The following PLCB4 variants were observed in gnomAD, a reference collection of about 807,000 sequenced individuals.
The protein encoded by PLCB4 is 1-phosphatidylinositol 4,5-bisphosphate phosphodiesterase beta-4.
PLCB4 carries 77 observed loss-of-function variants against 178.8 expected under a neutral mutation model. That is an observed-to-expected ratio of 0.43 (90% CI 0.36 to 0.52). The LOEUF (loss-of-function observed/expected upper bound fraction) is 0.52. Among genes scored for constraint, PLCB4 ranks in the 20% least tolerant of loss-of-function variants. The pLI is 0.00. For synonymous variants in PLCB4, 496 were observed against 490.8 expected (o/e 1.01, Z -0.14); for missense variants, 1,024 against 1,453.4 (o/e 0.70, Z 4.80).
intron 2 of PLCB4, among the ~76,000 whole-genome samples, chr20:9,127,071 G>C (rs916783573): frequency 2.0e-5 from 3 of 152,156 alleles, no homozygotes; most frequent in African/African-American, 7.2e-5. Flanking sequence ...ACAAAAGAGA[G>C]TGGACGTTTT....
At chr20:9,293,622 T>TATTCGTTC (rs1555778692) in intron 3 of PLCB4, among the ~76,000 whole-genome samples, 1 of 150,748 alleles carries the variant, frequency 6.6e-6, no homozygotes, top group Admixed American at 6.6e-5. Flanking sequence ...CAGAGTAAAA[T>TATTCGTTC]ATTCATTCAT....
intron 14 of PLCB4, among the ~76,000 whole-genome samples, chr20:9,386,387 G>A (rs1233800909): frequency 1.3e-5 from 2 of 152,078 alleles, no homozygotes; most frequent in Non-Finnish European, 2.9e-5. Context: ...GCAAATATTT[G>A]AGATTTAAAA....
At chr20:9,434,252 G>GA (rs1437453483) in intron 28 of PLCB4, among the ~76,000 whole-genome samples, 1 of 152,188 alleles carries the variant, frequency 6.6e-6, no homozygotes, top group African/African-American at 2.4e-5. Flanking sequence ...TATCAGAAAG[G>GA]ATACAAGAAA....
intron 7 of PLCB4, among the ~76,000 whole-genome samples, chr20:9,345,484 A>G (rs1296972305): frequency 6.6e-6 from 1 of 152,230 alleles, no homozygotes; most frequent in Admixed American, 6.5e-5. Flanking sequence ...AATAAGTTAC[A>G]GCTGGCACTG....
At chr20:9,246,310 C>T (rs537514735) in intron 3 of PLCB4, among the ~76,000 whole-genome samples, 18 of 152,176 alleles carry the variant, frequency 1.2e-4, no homozygotes, top group Non-Finnish European at 2.4e-4. Context: ...CTATACATAC[C>T]TTCAATGGCA....
At chr20:9,125,005 A>G (rs2092074058) in intron 2 of PLCB4, among the ~76,000 whole-genome samples, 1 of 152,200 alleles carries the variant, frequency 6.6e-6, no homozygotes, top group Non-Finnish European at 1.5e-5. Context: ...CTTTTCAAAT[A>G]GATGCATTGT....
intron 2 of PLCB4, among the ~76,000 whole-genome samples, chr20:9,135,343 C>A (rs1337233440): frequency 2.6e-5 from 4 of 152,090 alleles, no homozygotes; most frequent in African/African-American, 9.7e-5. Flanking sequence ...CCAAAAACAA[C>A]TAAGGCTCAG....
At chr20:9,170,363 T>A (rs1219937652) in intron 2 of PLCB4, among the ~76,000 whole-genome samples, 1 of 152,268 alleles carries the variant, frequency 6.6e-6, no homozygotes, top group Admixed American at 6.5e-5. Flanking sequence ...GTAGCTTAGA[T>A]TATCTGTTTT....
intron 3 of PLCB4, among the ~76,000 whole-genome samples, chr20:9,248,671 A>AGG (rs2094149276): frequency 1.3e-5 from 2 of 152,188 alleles, no homozygotes; most frequent in Admixed American, 1.3e-4. Context: ...TGACTCTTTT[A>AGG]ACACACTGAG....
At chr20:9,448,306 C>T (rs1284345147) in intron 32 of PLCB4, among the ~76,000 whole-genome samples, 1 of 152,046 alleles carries the variant, frequency 6.6e-6, no homozygotes. Flanking sequence ...TTTCAGCCAC[C>T]CAACATGGAG....
intron 12 of PLCB4, among the ~76,000 whole-genome samples, chr20:9,375,437 C>T (rs544846579): frequency 6.6e-6 from 1 of 152,282 alleles, no homozygotes; most frequent in East Asian, 1.9e-4. Flanking sequence ...TTCAACACTG[C>T]ATTGGAAGCC....
rs1270177803 is a variant in PLCB4, at chr20:9,393,573, T to C, written c.1324-15T>C. On this transcript the variant is annotated splice_polypyrimidine_tract_variant and intron_variant, in intron 17 of 39. Transcript: ENST00000378473. ...ACAGCCCTTCCTTAATTCAGCTCTT[T>C]CTGTTTCTCTCTAGCTTGAACCAGG... is the stretch of plus-strand genomic sequence containing the variant. 1 of 1,548,120 alleles carries C rather than the reference T, an allele frequency of 6.5e-7. No individual in the cohort carries two copies. The highest frequency in any genetic ancestry group is 1.7e-5 in the Admixed American group (1 of 59,630).
At chr20:9,382,149 C>T (rs1373070235) in intron 13 of PLCB4, among the ~76,000 whole-genome samples, 2 of 152,188 alleles carry the variant, frequency 1.3e-5, no homozygotes, top group Admixed American at 6.5e-5. Flanking sequence ...CCACTGGGCT[C>T]ATGTTGGACT....
intron 7 of PLCB4, among the ~76,000 whole-genome samples, chr20:9,348,487 C>A (rs1350373890): frequency 6.6e-6 from 1 of 152,036 alleles, no homozygotes; most frequent in East Asian, 1.9e-4. Flanking sequence ...CTCTGAGGAA[C>A]CTGTTAGTTG....
At chr20:9,381,882 G>A (rs145904178) in intron 13 of PLCB4, among the ~76,000 whole-genome samples, 62 of 152,180 alleles carry the variant, frequency 4.1e-4, no homozygotes, top group Non-Finnish European at 6.8e-4. Flanking sequence ...ATACCAGAGC[G>A]GCACAGTTCT....
Position 9,472,773 on chromosome 20 carries a change from G to A in PLCB4, c.3351-17G>A. 1.3e-6 allele frequency: 2 copies of A among 1,540,492 alleles called. No individual in the cohort carries two copies. Among genetic ancestry groups the A allele is most frequent in the Non-Finnish European group, 8.9e-7 (1 of 1,124,024 alleles). On this transcript the variant is annotated splice_polypyrimidine_tract_variant and intron_variant, in intron 36 of 39. Transcript: ENST00000378473. ...TTCAATGTCATACCAACCGTTATTT[G>A]TGCCCATTGCTTTTAGGCGAGTCAG...
intron 3 of PLCB4, among the ~76,000 whole-genome samples, chr20:9,231,012 T>C (rs985390024): frequency 7.2e-5 from 11 of 152,182 alleles, no homozygotes; most frequent in African/African-American, 2.7e-4. Context: ...TATTCATGTA[T>C]CAGAGAATAA....
chr20:9,397,208 T>C (rs1332710246), intron 19 of PLCB4, among the ~76,000 whole-genome samples: 1 of 152,230 alleles, frequency 6.6e-6, no homozygotes, highest in Non-Finnish European at 1.5e-5. Context: ...AGATTCCATC[T>C]CAAGAAACCA....
At chr20:9,125,235 C>A (rs1305436931) in intron 2 of PLCB4, among the ~76,000 whole-genome samples, 1 of 152,172 alleles carries the variant, frequency 6.6e-6, no homozygotes, top group Admixed American at 6.6e-5. Context: ...ACCTGTGAAA[C>A]TGTCATTTTT....
Sources: allele counts gnomAD v4.1 joint callset (sites outside exome capture counted in the v4.1 genomes callset), GRCh38; gene constraint gnomAD v4.1.1; transcripts MANE v1.5; gene names NCBI Gene and HGNC (gene_info 2026-07-23, HGNC 2026-07-21).